KLHL6: variants seen among roughly 807,000 people sequenced by gnomAD.
The protein encoded by KLHL6 is kelch like family member 6, also known as kelch-like protein 6.
Under a neutral mutation model 58.6 loss-of-function variants are expected in KLHL6, and 41 were observed. That is an observed-to-expected ratio of 0.70 (90% CI 0.55 to 0.91). The LOEUF (loss-of-function observed/expected upper bound fraction) is 0.91. Ranked by LOEUF, KLHL6 falls within the 40% of genes least tolerant of loss-of-function variation. The pLI, the probability that KLHL6 is intolerant of heterozygous loss-of-function variation, is 0.00. For synonymous variants in KLHL6, 338 were observed against 322.7 expected (o/e 1.05, Z -0.51); for missense variants, 714 against 805.6 (o/e 0.89, Z 1.38).
chr3:183,508,205 G>A lies in KLHL6; in HGVS notation c.763C>T (p.Pro255Ser), dbSNP rs757468572. 2 of 1,614,184 alleles carry A rather than the reference G, an allele frequency of 1.2e-6. No individual in the cohort carries two copies. Among genetic ancestry groups the A allele is most frequent in the Non-Finnish European group, 1.7e-6 (2 of 1,180,042 alleles). ...HKPSERLCLL[P>S]YVLENVRLPL... ...AAGCGCACGTTCTCGAGGACATAGG[G>A]GAGTAAGCAGAGTCGTTCTGATGGC... The change falls in exon 3 of 7, where the codon CCC becomes TCC. Residue 255 changes from proline to serine, a missense_variant. Physicochemically the swap from Pro to Ser is moderately conservative, Grantham distance 74 (BLOSUM62 -1). This residue lies in a region of KLHL6 where 510 missense variants were observed against 629.7 expected (regional missense o/e 0.81). Transcript: ENST00000341319.
chr3:183,550,485 A>C (rs1433971089), intron 1 of KLHL6, among the ~76,000 whole-genome samples: 2 of 152,272 alleles, frequency 1.3e-5, no homozygotes, highest in Admixed American at 1.3e-4. Context: ...TGAAATATCA[A>C]AATGTTATTT....
chr3:183,541,333 C>G (rs1352585756), intron 1 of KLHL6, among the ~76,000 whole-genome samples: 1 of 152,210 alleles, frequency 6.6e-6, no homozygotes, highest in African/African-American at 2.4e-5. Flanking sequence ...AAGACAGGAG[C>G]TCCTCCAGCT....
At chr3:183,498,734 C>T (rs940359808) in intron 4 of KLHL6, among the ~76,000 whole-genome samples, 1 of 152,224 alleles carries the variant, frequency 6.6e-6, no homozygotes, top group African/African-American at 2.4e-5. Flanking sequence ...AGGCACAGTG[C>T]TAGGTACAGG....
At chr3:183,514,828 CT>C (rs1474137616) in intron 2 of KLHL6, among the ~76,000 whole-genome samples, 5 of 152,170 alleles carry the variant, frequency 3.3e-5, no homozygotes, top group African/African-American at 1.2e-4. Flanking sequence ...GCCACCACAC[CT>C]GGCTAATTTT....
chr3:183,522,655 C>T (rs1054180919), intron 2 of KLHL6: 12 of 152,158 alleles, frequency 7.9e-5, no homozygotes, highest in Non-Finnish European at 1.5e-4. Context: ...TCATCAGGCA[C>T]CTATAAAATG....
chr3:183,503,508 G>A (rs1291777808), intron 3 of KLHL6, among the ~76,000 whole-genome samples: 2 of 152,170 alleles, frequency 1.3e-5, no homozygotes, highest in Admixed American at 6.5e-5. Flanking sequence ...GGCTGGGCAC[G>A]GTGGCTCACA....
chr3:183,492,417 G>T lies in KLHL6; in HGVS notation c.1564+77C>A. ...GAGTTGCCAGCGCTGGAGACACCGC[G>T]ACACACCGTTTACGTGCTGCAGCCA... On this transcript the variant is annotated intron_variant, in intron 6 of 6. Coordinates refer to ENST00000341319, the MANE Select transcript of KLHL6 (RefSeq NM_130446.4). This position sits in a 1 kb window ranked among gnomAD's most constrained non-coding sequence, Gnocchi z 5.9. 6.6e-7 allele frequency: 1 copy of T among 1,516,398 alleles called. No homozygotes were observed. Among genetic ancestry groups the T allele is most frequent in the South Asian group, 1.2e-5 (1 of 84,604 alleles). The allele number at this position is 1,516,398 out of a possible 1,614,324, so 93.9% of individuals were successfully genotyped here.
At position 183,508,196 on chromosome 3, in the gene KLHL6, G is replaced by A. The variant is rs768125216; in HGVS notation, c.772C>T (p.Leu258Phe). 1.9e-6 allele frequency: 3 copies of A among 1,614,064 alleles called. No individual in the cohort carries two copies. The highest frequency in any genetic ancestry group is 2.5e-6 in the Non-Finnish European group (3 of 1,180,038). Residue 258 changes from leucine (L) to phenylalanine (F), a missense_variant, in exon 3 of 7, where the codon CTC becomes TTC. Physicochemically the swap from Leu to Phe is conservative, Grantham distance 22. Around this residue, in one of 2 missense-constraint regions of KLHL6, gnomAD observed 510 missense variants for 629.7 expected, o/e 0.81. Coordinates refer to ENST00000341319, the MANE Select transcript of KLHL6 (RefSeq NM_130446.4). ...SERLCLLPYV[L>F]ENVRLPLLDP... ...AGAAGCGGTAAGCGCACGTTCTCGA[G>A]GACATAGGGGAGTAAGCAGAGTCGT...
At chr3:183,546,253 G>A (rs1486656681) in intron 1 of KLHL6, among the ~76,000 whole-genome samples, 10 of 152,168 alleles carry the variant, frequency 6.6e-5, no homozygotes, top group Admixed American at 6.5e-4. Context: ...CAAGGGTCAC[G>A]GAATCCCCTC....
chr3:183,554,334 C>A (rs2108703777), intron 1 of KLHL6, among the ~76,000 whole-genome samples: 1 of 152,290 alleles, frequency 6.6e-6, no homozygotes, highest in East Asian at 1.9e-4. Context: ...TGAGCATCTA[C>A]TTACTATATG....
rs531259307 is a variant in KLHL6, at chr3:183,511,651, T to C, written c.460-3143A>G. ...TGCAGTGCATTGTGCCCCTGGTTTA[T>C]TGAGACTGGAGAATGGCAATGACTT... is the stretch of plus-strand genomic sequence containing the variant. On this transcript the variant is annotated intron_variant, in intron 2 of 6. Transcript: ENST00000341319. Among the ~76,000 whole-genome samples, 5 of 152,330 alleles carry C rather than the reference T, an allele frequency of 3.3e-5. No individual in the cohort carries two copies. In the South Asian group the frequency reaches 1.0e-3, roughly 32 times the overall value.
chr3:183,531,443 G>GTTTTTTTTTTTT (rs59579259), intron 1 of KLHL6, among the ~76,000 whole-genome samples: 11 of 90,362 alleles, frequency 1.2e-4, no homozygotes, highest in African/African-American at 1.5e-4. Context: ...TTTTGTCTGT[G>GTTTTTTTTTTTT]TTTTTTTTTT....
chr3:183,534,696 G>A (rs1712299739), intron 1 of KLHL6, among the ~76,000 whole-genome samples: 1 of 151,774 alleles, frequency 6.6e-6, no homozygotes, highest in African/African-American at 2.4e-5. Context: ...GCCCCACCAT[G>A]CCCGGCCCCA....
In KLHL6 at chr3:183,488,713, G is replaced by A. The variant is rs1717465091; in HGVS notation, c.*3214C>T. On this transcript the variant is annotated 3_prime_UTR_variant, in exon 7 of 7. Transcript: ENST00000341319. Reference sequence around the variant, plus strand: ...TGTGTTCGTCTTTATTTCTTGAAATGGATTTTAGATTTTAGAAGTTCTCAT... The same window carrying A: ...TGTGTTCGTCTTTATTTCTTGAAATAGATTTTAGATTTTAGAAGTTCTCAT... The A allele has an allele frequency of 6.6e-6, 1 of 152,212 alleles. No individual in the cohort carries two copies. Among genetic ancestry groups the A allele is most frequent in the Admixed American group, 6.5e-5 (1 of 15,282 alleles). The allele number at this position is 152,212 out of a possible 1,614,324, so 9.4% of individuals were successfully genotyped here. A position where few individuals can be genotyped will look rare whatever the true frequency, so the allele number is the denominator to read the frequency against.
chr3:183,524,636 C>T (rs1459709880), intron 2 of KLHL6, among the ~76,000 whole-genome samples: 3 of 152,176 alleles, frequency 2.0e-5, no homozygotes, highest in Admixed American at 6.5e-5. Flanking sequence ...AGTGATAGAG[C>T]TGATTGGCTT....
chr3:183,540,578 T>C (rs1444044635), intron 1 of KLHL6, among the ~76,000 whole-genome samples: 2 of 152,116 alleles, frequency 1.3e-5, no homozygotes, highest in Non-Finnish European at 2.9e-5. Context: ...TGTTTGCTTG[T>C]TGGTTTGTTT....
chr3:183,516,230 A>G (rs1032393131), intron 2 of KLHL6, among the ~76,000 whole-genome samples: 13 of 152,236 alleles, frequency 8.5e-5, no homozygotes, highest in Admixed American at 4.6e-4. Context: ...GTGTAGGGCA[A>G]CATCACATGA....
chr3:183,499,241 G>A lies in KLHL6; in HGVS notation c.1147+349C>T, dbSNP rs1402158722. 6.6e-6 allele frequency among the ~76,000 whole-genome samples: 1 copy of A among 152,148 alleles called. No homozygotes were observed. The highest frequency in any genetic ancestry group is 1.5e-5 in the Non-Finnish European group (1 of 68,036). ...CCTGATTGTAATCCCAGCTACTCGGGAGGGTGAGGCAGGAGGGTCACTTGA... is the reference window on the plus strand; with the variant it reads ...CCTGATTGTAATCCCAGCTACTCGGAAGGGTGAGGCAGGAGGGTCACTTGA... On this transcript the variant is annotated intron_variant, in intron 4 of 6. Coordinates refer to ENST00000341319, the MANE Select transcript of KLHL6 (RefSeq NM_130446.4). The surrounding 1 kb of genome is among the most constrained non-coding windows in gnomAD (Gnocchi z 4.6).
At chr3:183,507,638 T>C (rs982828817) in intron 3 of KLHL6, among the ~76,000 whole-genome samples, 1 of 152,152 alleles carries the variant, frequency 6.6e-6, no homozygotes, top group Non-Finnish European at 1.5e-5. Context: ...TTTCACCATG[T>C]TGGCCAGGAT....
Sources: gnomAD v4.1 joint callset for allele counts (sites outside exome capture counted in the v4.1 genomes callset) on GRCh38, gnomAD v4.1.1 for gene constraint, gnomAD v4.1.1 regional missense constraint, Gnocchi (gnomAD v3.1) non-coding constraint, MANE v1.5 for transcripts, NCBI Gene and HGNC (gene_info 2026-07-23, HGNC 2026-07-21) for gene names.